Variants in KIRREL3 observed in about 807,000 individuals in gnomAD.
KIRREL3 encodes kirre like nephrin family adhesion molecule 3.
KIRREL3 carries 36 observed loss-of-function variants against 89.7 expected under a neutral mutation model. The observed-to-expected ratio is 0.40, with a 90% CI of 0.31 to 0.53. KIRREL3 has a LOEUF of 0.53. KIRREL3 is among the 20% of genes least tolerant of loss of function. The pLI, the probability that KIRREL3 is intolerant of heterozygous loss-of-function variation, is 0.49. For synonymous variants in KIRREL3, 445 were observed against 441.4 expected (o/e 1.01, Z -0.10); for missense variants, 864 against 1,056.6 (o/e 0.82, Z 2.53).
Position 126,569,430 on chromosome 11 carries a change from C to G in KIRREL3, c.56-6518G>C, listed in dbSNP as rs1940761854. Among the ~76,000 whole-genome samples, 2 of 152,126 alleles carry G rather than the reference C, an allele frequency of 1.3e-5. No individual in the cohort carries two copies. The highest frequency in any genetic ancestry group is 4.8e-5 in the African/African-American group (2 of 41,412). Reference sequence around the variant, plus strand: ...AGCATTAATCCTACCCCTCTGGAACCAGGACACATTAATAAATGTGACTGG... The same window carrying G: ...AGCATTAATCCTACCCCTCTGGAACGAGGACACATTAATAAATGTGACTGG... On this transcript the variant is annotated intron_variant, in intron 1 of 16. Coordinates refer to ENST00000525144, the MANE Select transcript of KIRREL3 (RefSeq NM_032531.4). The surrounding 1 kb of genome is among the most constrained non-coding windows in gnomAD (Gnocchi z 6.5).
At chr11:126,730,730 C>G (rs555001753) in intron 1 of KIRREL3, among the ~76,000 whole-genome samples, 2 of 152,054 alleles carry the variant, frequency 1.3e-5, no homozygotes, top group Admixed American at 6.5e-5. Context: ...ACATGCAATA[C>G]TTTTCTTTTT....
chr11:126,532,189 C>T (rs1788977), intron 2 of KIRREL3, among the ~76,000 whole-genome samples: 68,667 of 151,930 alleles, frequency 0.45, 16,340 homozygotes, highest in East Asian at 0.86. Flanking sequence ...CAGGGACTTG[C>T]ACAAGTTCAC....
chr11:126,679,760 A>G (rs767616465), intron 1 of KIRREL3, among the ~76,000 whole-genome samples: 1 of 152,180 alleles, frequency 6.6e-6, no homozygotes, highest in South Asian at 2.1e-4. Flanking sequence ...TGAAAATTGC[A>G]TATTTTTTAC....
intron 4 of KIRREL3, among the ~76,000 whole-genome samples, chr11:126,478,517 ATG>A (rs552135249): frequency 6.6e-6 from 1 of 151,396 alleles, no homozygotes; most frequent in Non-Finnish European, 1.5e-5. Context: ...GTGTGTGTGT[ATG>A]TGTGTGTGTA....
At chr11:126,862,534 G>A (rs916249605) in intron 1 of KIRREL3, among the ~76,000 whole-genome samples, 4 of 152,164 alleles carry the variant, frequency 2.6e-5, no homozygotes, top group African/African-American at 9.7e-5. Context: ...GGGCACATGG[G>A]CAGCAGGTTT....
chr11:126,601,977 G>A lies in KIRREL3; in HGVS notation c.56-39065C>T, dbSNP rs1456966751. On this transcript the variant is annotated intron_variant, in intron 1 of 16. Transcript: ENST00000525144. This position sits in a 1 kb window ranked among gnomAD's most constrained non-coding sequence, Gnocchi z 5.8. Reference sequence around the variant, plus strand: ...CCGCCTCTTTGATTTGCCTGACAGAGTCACAGAAGCTGACCGCTGCGAGGC... The same window carrying A: ...CCGCCTCTTTGATTTGCCTGACAGAATCACAGAAGCTGACCGCTGCGAGGC... Among the ~76,000 whole-genome samples, 4 of 152,312 alleles carry A rather than the reference G, an allele frequency of 2.6e-5. No homozygotes were observed. The East Asian group carries it at 5.8e-4, about 22-fold the overall frequency.
upstream of KIRREL3, among the ~76,000 whole-genome samples, chr11:127,001,451 G>A (rs1267809513): frequency 6.6e-6 from 1 of 152,048 alleles, no homozygotes; most frequent in Non-Finnish European, 1.5e-5. Context: ...TCATTATCCT[G>A]GTTTGTGCAT....
Position 126,587,831 on chromosome 11 carries a change from T to G in KIRREL3, c.56-24919A>C, listed in dbSNP as rs1185920261. Among the ~76,000 whole-genome samples, 1 of 152,250 alleles carries G rather than the reference T, an allele frequency of 6.6e-6. No homozygotes were observed. Among genetic ancestry groups the G allele is most frequent in the Non-Finnish European group, 1.5e-5 (1 of 68,050 alleles). On this transcript the variant is annotated intron_variant, in intron 1 of 16. Coordinates refer to ENST00000525144, the MANE Select transcript of KIRREL3 (RefSeq NM_032531.4). The surrounding 1 kb of genome is among the most constrained non-coding windows in gnomAD (Gnocchi z 5.2). ...TAAAATAGTTGAACACAATTCTTAT[T>G]GCCATCTATCTTTTCACTTCTTTTT... is the stretch of plus-strand genomic sequence containing the variant.
Position 126,778,040 on chromosome 11 carries a change from T to C in KIRREL3, c.56-215128A>G, listed in dbSNP as rs866361684. Among the ~76,000 whole-genome samples the C allele has an allele frequency of 1.4e-5, 2 of 145,990 alleles. No individual in the cohort carries two copies. Among genetic ancestry groups the C allele is most frequent in the Non-Finnish European group, 3.0e-5 (2 of 65,588 alleles). On this transcript the variant is annotated intron_variant, in intron 1 of 16. Coordinates refer to ENST00000525144, the MANE Select transcript of KIRREL3 (RefSeq NM_032531.4). This position sits in a 1 kb window ranked among gnomAD's most constrained non-coding sequence, Gnocchi z 4.5. The stretch of plus-strand genomic sequence containing the variant: ...CTGGTATATGAGAAATACATGCTCA[T>C]TGTAGAAAAAAAAAAAAAAAGAAAA...
In KIRREL3 at chr11:126,906,573, G is replaced by A. The variant is rs1040301982; in HGVS notation, c.55+93882C>T. On this transcript the variant is annotated intron_variant, in intron 1 of 16. Coordinates refer to ENST00000525144, the MANE Select transcript of KIRREL3 (RefSeq NM_032531.4). The surrounding 1 kb of genome is among the most constrained non-coding windows in gnomAD (Gnocchi z 4.1). ...GGACCCCCCTGCCATGAAAAACAGC[G>A]TTGTTTTTTGTTTTTGTTTTTGCTT... Among the ~76,000 whole-genome samples, 26 of 150,606 alleles carry A rather than the reference G, an allele frequency of 1.7e-4. No homozygotes were observed. Among genetic ancestry groups the A allele is most frequent in the Admixed American group, 9.4e-4 (14 of 14,868 alleles).
Position 127,000,624 on chromosome 11 carries a change from C to G in KIRREL3, c.-115G>C. Reference sequence around the variant, plus strand: ...GTCCTCTCGGGTTCGCGCCTACCATCTGTCCGTCCGTGGGTCCCTCCGGGT... The same window carrying G: ...GTCCTCTCGGGTTCGCGCCTACCATGTGTCCGTCCGTGGGTCCCTCCGGGT... On this transcript the variant is annotated 5_prime_UTR_variant, in exon 1 of 17. Transcript: ENST00000525144. The surrounding 1 kb of genome is among the most constrained non-coding windows in gnomAD (Gnocchi z 7.1). 2 of 1,093,416 alleles carry G rather than the reference C, an allele frequency of 1.8e-6. No homozygotes were observed. The highest frequency in any genetic ancestry group is 2.9e-5 in the South Asian group (2 of 68,286). 67.7% of individuals were successfully genotyped at this position (1,093,416 alleles called of 1,614,324 possible).
At chr11:126,465,488 C>T (rs374155377) in intron 5 of KIRREL3, among the ~76,000 whole-genome samples, 26 of 152,320 alleles carry the variant, frequency 1.7e-4, no homozygotes, top group African/African-American at 6.0e-4. Context: ...AGGGAGAAAC[C>T]TGTAAGCTCC....
rs569786414 is a variant in KIRREL3 at position 126,652,788 on chromosome 11, A to G, written c.56-89876T>C. 1 of 152,196 alleles carries G rather than the reference A, an allele frequency of 6.6e-6. No homozygotes were observed. Among genetic ancestry groups the G allele is most frequent in the Admixed American group, 6.5e-5 (1 of 15,290 alleles). 9.4% of individuals were successfully genotyped at this position (152,196 alleles called of 1,614,324 possible). Reference sequence around the variant, plus strand: ...CAGATTTTCACTTTCCAGGCAATTCACCAGGACAGAGGCCTTTCAACTTTC... The same window carrying G: ...CAGATTTTCACTTTCCAGGCAATTCGCCAGGACAGAGGCCTTTCAACTTTC... On this transcript the variant is annotated intron_variant, in intron 1 of 16. Coordinates refer to ENST00000525144, the MANE Select transcript of KIRREL3 (RefSeq NM_032531.4). The surrounding 1 kb of genome is among the most constrained non-coding windows in gnomAD (Gnocchi z 4.9).
chr11:126,971,352 T>C (rs572608760), intron 1 of KIRREL3, among the ~76,000 whole-genome samples: 146 of 152,322 alleles, frequency 9.6e-4, no homozygotes, highest in African/African-American at 3.3e-3. Flanking sequence ...TCTAAAAGAT[T>C]GTAATCATTA....
chr11:126,832,156 A>G (rs1943629572), intron 1 of KIRREL3, among the ~76,000 whole-genome samples: 1 of 152,206 alleles, frequency 6.6e-6, no homozygotes, highest in Non-Finnish European at 1.5e-5. Context: ...AAATGGGACA[A>G]TAGGGTCAAG....
In KIRREL3 at chr11:126,870,286, A is replaced by G. The variant is rs1423169979; in HGVS notation, c.55+130169T>C. On this transcript the variant is annotated intron_variant, in intron 1 of 16. Transcript: ENST00000525144. The surrounding 1 kb of genome is among the most constrained non-coding windows in gnomAD (Gnocchi z 4.4). ...TCAAGATGCCAGGGCTGCCTGTGCC[A>G]TGTACTGCAAGACAGCTGGGATTGT... is the stretch of plus-strand genomic sequence containing the variant. 1.3e-5 allele frequency among the ~76,000 whole-genome samples: 2 copies of G among 152,208 alleles called. No homozygotes were observed. Among genetic ancestry groups the G allele is most frequent in the Admixed American group, 6.5e-5 (1 of 15,288 alleles).
At chr11:126,699,218 G>C (rs1317867954) in intron 1 of KIRREL3, among the ~76,000 whole-genome samples, 1 of 152,222 alleles carries the variant, frequency 6.6e-6, no homozygotes, top group Admixed American at 6.5e-5. Flanking sequence ...ATGTCACACA[G>C]AGGCGATTTT....
rs1414989762 is a variant in KIRREL3, at chr11:126,870,337, G to A, written c.55+130118C>T. Among the ~76,000 whole-genome samples, 1 of 152,214 alleles carries A rather than the reference G, an allele frequency of 6.6e-6. No homozygotes were observed. The highest frequency in any genetic ancestry group is 1.5e-5 in the Non-Finnish European group (1 of 68,038). On this transcript the variant is annotated intron_variant, in intron 1 of 16. Transcript: ENST00000525144. This position sits in a 1 kb window ranked among gnomAD's most constrained non-coding sequence, Gnocchi z 4.4. ...CATGGACATCAATATGAAAGGCAGTGCAGGAGCCAGGCTGGATTCCAATGC... is the reference window on the plus strand; with the variant it reads ...CATGGACATCAATATGAAAGGCAGTACAGGAGCCAGGCTGGATTCCAATGC...
chr11:126,441,791 G>A lies in KIRREL3; in HGVS notation c.1253-1242C>T, dbSNP rs1281469409. 6.6e-6 allele frequency among the ~76,000 whole-genome samples: 1 copy of A among 152,180 alleles called. No homozygotes were observed. Among genetic ancestry groups the A allele is most frequent in the Non-Finnish European group, 1.5e-5 (1 of 68,036 alleles). ...TTCTGTTGAGTTTGAGAAGGCAAAA[G>A]GGCTCGGGGCAGCGTGAGGTGGGCG... On this transcript the variant is annotated intron_variant, in intron 10 of 16. Coordinates refer to ENST00000525144, the MANE Select transcript of KIRREL3 (RefSeq NM_032531.4). The surrounding 1 kb of genome is among the most constrained non-coding windows in gnomAD (Gnocchi z 5.0).
Sources: allele counts gnomAD v4.1 joint callset (sites outside exome capture counted in the v4.1 genomes callset), GRCh38; gene constraint gnomAD v4.1.1; non-coding constraint Gnocchi (gnomAD v3.1); transcripts MANE v1.5; gene names NCBI Gene and HGNC (gene_info 2026-07-23, HGNC 2026-07-21).